Variants in CPQ observed in about 807,000 individuals in gnomAD.
The protein encoded by CPQ is carboxypeptidase Q, also known as Ser-Met dipeptidase.
In CPQ, 37 loss-of-function variants were observed where a neutral mutation model predicts 45.7. The ratio of observed to expected loss-of-function variants is 0.81; its 90% confidence interval spans 0.62 to 1.07. The LOEUF (loss-of-function observed/expected upper bound fraction) is 1.07. Among genes scored for constraint, CPQ ranks in the 50% least tolerant of loss-of-function variants. The pLI is 0.00. For synonymous variants in CPQ, 186 were observed against 205.8 expected, an observed-to-expected ratio of 0.90 and a Z score of 0.82; for missense variants, 537 against 572.9, an observed-to-expected ratio of 0.94 and a Z score of 0.64.
At chr8:97,010,766 C>A (rs911651665) in intron 5 of CPQ, among the ~76,000 whole-genome samples, 1 of 152,110 alleles carries the variant, frequency 6.6e-6, no homozygotes. Context: ...AACAGTAAGA[C>A]CTTAATGTTT....
At chr8:97,041,293 A>G (rs897782335) in intron 6 of CPQ, among the ~76,000 whole-genome samples, 30 of 150,230 alleles carry the variant, frequency 2.0e-4, no homozygotes, top group Non-Finnish European at 3.7e-4. Flanking sequence ...TTTGTCTGTT[A>G]TTGGTGTATA....
At chr8:96,735,317 A>G (rs1033692410) in intron 1 of CPQ, among the ~76,000 whole-genome samples, 6 of 152,190 alleles carry the variant, frequency 3.9e-5, no homozygotes, top group Non-Finnish European at 5.9e-5. Context: ...CTGCGAATGC[A>G]TGTGCTCAGC....
At chr8:97,040,310 G>A (rs977861663) in intron 6 of CPQ, among the ~76,000 whole-genome samples, 163 of 152,074 alleles carry the variant, frequency 1.1e-3, no homozygotes, top group African/African-American at 3.7e-3. Flanking sequence ...CATGTCCTTC[G>A]CCCACTTTTT....
At chr8:96,893,911 G>T (rs1052923544) in intron 4 of CPQ, among the ~76,000 whole-genome samples, 5 of 152,024 alleles carry the variant, frequency 3.3e-5, no homozygotes, top group African/African-American at 1.2e-4. Flanking sequence ...CTCTTCCCCT[G>T]CATGTGTACT....
At chr8:96,866,444 A>T (rs189096058) in intron 3 of CPQ, among the ~76,000 whole-genome samples, 1 of 152,154 alleles carries the variant, frequency 6.6e-6, no homozygotes, top group Admixed American at 6.5e-5. Context: ...ACTAGGAAAA[A>T]TAGTTTTTAA....
At chr8:96,774,509 G>T (rs1435086628) in intron 1 of CPQ, among the ~76,000 whole-genome samples, 1 of 152,138 alleles carries the variant, frequency 6.6e-6, no homozygotes, top group African/African-American at 2.4e-5. Flanking sequence ...TGATAATGAG[G>T]TTGTGAGCTA....
At chr8:96,800,918 G>A (rs1056238665) in intron 2 of CPQ, among the ~76,000 whole-genome samples, 1 of 151,842 alleles carries the variant, frequency 6.6e-6, no homozygotes, top group Non-Finnish European at 1.5e-5. Flanking sequence ...GCGATGAATA[G>A]GCTAATGATT....
At chr8:96,945,183 T>G (rs1194415718) in intron 4 of CPQ, among the ~76,000 whole-genome samples, 3 of 152,178 alleles carry the variant, frequency 2.0e-5, no homozygotes, top group African/African-American at 7.2e-5. Context: ...CCATGGGCCC[T>G]GCTCTCCTGG....
intron 4 of CPQ, among the ~76,000 whole-genome samples, chr8:96,931,208 T>C (rs971479599): frequency 5.9e-5 from 9 of 152,254 alleles, no homozygotes; most frequent in Non-Finnish European, 1.3e-4. Context: ...TTTTGCCTTA[T>C]AGCCATGCTA....
intron 1 of CPQ, among the ~76,000 whole-genome samples, chr8:96,704,219 T>C (rs1048305765): frequency 6.6e-6 from 1 of 152,174 alleles, no homozygotes; most frequent in Non-Finnish European, 1.5e-5. Context: ...ATTTATTATC[T>C]CCATATTATG....
chr8:96,777,747 TA>T (rs1810629145), intron 1 of CPQ, among the ~76,000 whole-genome samples: 1 of 13,176 alleles, frequency 7.6e-5, no homozygotes, highest in Non-Finnish European at 1.4e-4. Flanking sequence ...TATATATATA[TA>T]TATATATATA....
intron 7 of CPQ, among the ~76,000 whole-genome samples, chr8:97,100,932 C>T (rs1173378707): frequency 6.6e-6 from 1 of 152,092 alleles, no homozygotes; most frequent in East Asian, 1.9e-4. Context: ...AATAATTTTA[C>T]AGTTCAATTT....
chr8:96,923,670 G>A (rs1812837847), intron 4 of CPQ, among the ~76,000 whole-genome samples: 1 of 152,106 alleles, frequency 6.6e-6, no homozygotes, highest in Non-Finnish European at 1.5e-5. Flanking sequence ...GCCAAGCTAG[G>A]ATGATAATGA....
intron 6 of CPQ, among the ~76,000 whole-genome samples, chr8:97,063,249 C>T (rs1295158937): frequency 1.3e-5 from 2 of 152,048 alleles, no homozygotes; most frequent in Non-Finnish European, 2.9e-5. Flanking sequence ...AGCTTTTTTT[C>T]ATATGCTTGT....
intron 1 of CPQ, among the ~76,000 whole-genome samples, chr8:96,670,709 ATTAT>A (rs1808990578): frequency 6.6e-6 from 1 of 152,228 alleles, no homozygotes; most frequent in African/African-American, 2.4e-5. Flanking sequence ...AGAGGAAAAG[ATTAT>A]TTATATAGGC....
chr8:97,063,137 G>A (rs990295107), intron 6 of CPQ, among the ~76,000 whole-genome samples: 3 of 152,052 alleles, frequency 2.0e-5, no homozygotes, highest in Non-Finnish European at 4.4e-5. Flanking sequence ...AACCTCACCA[G>A]CATGTACTTT....
At chr8:97,132,385 C>T (rs1480782386) in intron 7 of CPQ, among the ~76,000 whole-genome samples, 3 of 152,296 alleles carry the variant, frequency 2.0e-5, no homozygotes, top group East Asian at 3.9e-4. Flanking sequence ...TAAACTATTC[C>T]GATTTCAGAT....
chr8:96,845,831 A>AT (rs1017542315), intron 3 of CPQ, among the ~76,000 whole-genome samples: 2 of 151,954 alleles, frequency 1.3e-5, no homozygotes, highest in Admixed American at 1.3e-4. Context: ...TTTTATTTTT[A>AT]TTTTTTGAGA....
chr8:96,898,776 T>TA (rs11390361), intron 4 of CPQ, among the ~76,000 whole-genome samples: 63,061 of 137,330 alleles, frequency 0.46, 14,446 homozygotes, highest in East Asian at 0.6. Flanking sequence ...TAGGGTATAA[T>TA]AAAAAAAAAA....
Sources: allele counts gnomAD v4.1 joint callset (sites outside exome capture counted in the v4.1 genomes callset), GRCh38; gene constraint gnomAD v4.1.1; transcripts MANE v1.5; gene names NCBI Gene and HGNC (gene_info 2026-07-23, HGNC 2026-07-21).